Variants in C1orf141 observed in about 807,000 individuals in gnomAD.
The protein encoded by C1orf141 is uncharacterized protein C1orf141.
A neutral mutation model predicts 23.2 loss-of-function variants in C1orf141; 19 were observed. The ratio of observed to expected loss-of-function variants is 0.82; its 90% CI spans 0.57 to 1.20. The LOEUF (loss-of-function observed/expected upper bound fraction) is 1.20. C1orf141 is among the 50% of genes most tolerant of loss of function. C1orf141 has a pLI of 0.00. For missense variants in C1orf141, 469 were observed against 455.1 expected (o/e 1.03, Z -0.28); for synonymous variants, 153 against 154.6 (o/e 0.99, Z 0.08).
intron 5 of C1orf141, among the ~76,000 whole-genome samples, chr1:67,111,845 A>G (rs574740405): frequency 1.1e-4 from 17 of 152,328 alleles, no homozygotes; most frequent in African/African-American, 3.8e-4. Context: ...TTAACAGACT[A>G]TAACTTTCAA....
intron 4 of C1orf141, among the ~76,000 whole-genome samples, chr1:67,124,597 G>C (rs1043196301): frequency 7.2e-5 from 11 of 152,170 alleles, no homozygotes; most frequent in African/African-American, 2.7e-4. Context: ...AGGATTACAG[G>C]CGTGAGCCAC....
At chr1:67,120,447 G>A (rs67315199) in intron 4 of C1orf141, among the ~76,000 whole-genome samples, 13,047 of 152,108 alleles carry the variant, frequency 0.086, 594 homozygotes, top group South Asian at 0.12. Context: ...GTAAATTTGG[G>A]GGGGACAGGG....
chr1:67,116,957 C>A (rs1261056037), intron 4 of C1orf141, among the ~76,000 whole-genome samples: 1 of 152,138 alleles, frequency 6.6e-6, no homozygotes, highest in Non-Finnish European at 1.5e-5. Flanking sequence ...TTATAGAATT[C>A]ATCACTGGTA....
At chr1:67,095,636 T>G (rs1032217539) in intron 6 of C1orf141, 1 of 402,086 alleles carries the variant, frequency 2.5e-6, no homozygotes. Context: ...TATATATGCC[T>G]CTTTGGATTT....
intron 1 of C1orf141, among the ~76,000 whole-genome samples, chr1:67,141,584 C>A (rs1003569074): frequency 5.9e-5 from 9 of 152,006 alleles, no homozygotes; most frequent in Non-Finnish European, 5.9e-5. Context: ...ACAGCAAGAC[C>A]CCATCTCTAC....
chr1:67,124,598 C>T (rs545342866), intron 4 of C1orf141, among the ~76,000 whole-genome samples: 3 of 152,288 alleles, frequency 2.0e-5, no homozygotes, highest in South Asian at 2.1e-4. Context: ...GGATTACAGG[C>T]GTGAGCCACC....
Position 67,115,461 on chromosome 1 carries a change from A to G in C1orf141, c.237T>C (p.His79=), listed in dbSNP as rs750972038. The change falls in exon 5 of 8, where the codon CAT becomes CAC. Residue 79 remains histidine, a synonymous_variant. Transcript: ENST00000684719. Reference sequence around the variant, plus strand: ...GTTCAGGCTCACATTTGAAAGAGACATGCCTGGAAGAAATAAAAATTAATT... The same window carrying G: ...GTTCAGGCTCACATTTGAAAGAGACGTGCCTGGAAGAAATAAAAATTAATT... ...KSCSITKSKM[H]VSFKCEPEPR... is the part of the protein sequence containing the mutation. 3.2e-6 allele frequency: 4 copies of G among 1,248,212 alleles called. No homozygotes were observed. The highest frequency in any genetic ancestry group is 4.5e-6 in the Non-Finnish European group (4 of 887,150). 77.3% of individuals were successfully genotyped at this position (1,248,212 alleles called of 1,614,324 possible). A position where few individuals can be genotyped will look rare whatever the true frequency, so the allele number is the denominator to read the frequency against.
chr1:67,113,383 T>A (rs1280299055), intron 5 of C1orf141, among the ~76,000 whole-genome samples: 1 of 151,906 alleles, frequency 6.6e-6, no homozygotes, highest in Non-Finnish European at 1.5e-5. Context: ...TCTTTTTTTT[T>A]AGATGGAGTT....
intron 4 of C1orf141, chr1:67,121,819 A>G (rs1646304529): frequency 6.6e-6 from 1 of 152,224 alleles, no homozygotes; most frequent in African/African-American, 2.4e-5. Flanking sequence ...GAGTTGTGCT[A>G]GAAGAAGGCC....
rs1044281434 is a variant in C1orf141 at position 67,111,739 on chromosome 1, T to C, written c.346+3613A>G. The C allele has an allele frequency of 8.5e-5, 42 of 495,080 alleles. No homozygotes were observed. In the East Asian group the frequency reaches 1.4e-3, roughly 17 times the overall value. 30.7% of individuals were successfully genotyped at this position (495,080 alleles called of 1,614,324 possible). ...TCCACTGCAGTAAACTTTTAAGAAA[T>C]GTAAAAGAATAATTTTATTTACTTA... On this transcript the variant is annotated intron_variant, in intron 5 of 7. Transcript: ENST00000684719.
At chr1:67,116,742 G>A (rs907497214) in intron 4 of C1orf141, among the ~76,000 whole-genome samples, 1 of 152,062 alleles carries the variant, frequency 6.6e-6, no homozygotes, top group Non-Finnish European at 1.5e-5. Flanking sequence ...TTCAGGGAAA[G>A]GAATTTAGGC....
At chr1:67,097,946 C>T (rs1234021262) in intron 5 of C1orf141, among the ~76,000 whole-genome samples, 4 of 152,080 alleles carry the variant, frequency 2.6e-5, no homozygotes, top group African/African-American at 7.2e-5. Context: ...GGTTAAGGAT[C>T]CCTGACTTGT....
chr1:67,095,374 G>A lies in C1orf141; in HGVS notation c.464C>T (p.Ser155Leu), dbSNP rs147612243. 25 of 1,565,412 alleles carry A rather than the reference G, an allele frequency of 1.6e-5. No individual in the cohort carries two copies. Among genetic ancestry groups the A allele is most frequent in the African/African-American group, 4.1e-5 (3 of 72,588 alleles). The stretch of plus-strand genomic sequence containing the variant: ...CTTACTTAATTGATAATTTCTGACC[G>A]ATTTGTTTTCTTTTATATTAAAATC... ...MNDFNIKENK[S>L]VRNYQLSKYR... is the part of the protein sequence containing the mutation. The change falls in exon 7 of 8, where the codon TCG becomes TTG. Residue 155 changes from serine (S) to leucine (L), a missense_variant. Coordinates refer to ENST00000684719, the MANE Select transcript of C1orf141 (RefSeq NM_001276351.2).
intron 7 of C1orf141, chr1:67,093,986 G>T (rs563037562): frequency 6.5e-6 from 1 of 154,074 alleles, no homozygotes; most frequent in South Asian, 2.0e-4. Flanking sequence ...ACCAAAAAAT[G>T]GATTGAGTCA....
intron 5 of C1orf141, chr1:67,111,525 G>T: frequency 1.5e-6 from 1 of 658,962 alleles, no homozygotes; most frequent in African/African-American, 1.9e-5. Flanking sequence ...AAATTATTAG[G>T]ACTAATTTGA....
In C1orf141 at chr1:67,127,218, T is replaced by C. The variant is rs145355248; in HGVS notation, c.23A>G (p.Lys8Arg). The change falls in exon 3 of 8, where the codon AAG becomes AGG. Residue 8 changes from lysine to arginine, a missense_variant. This residue lies in a region of C1orf141 where 95 missense variants were observed against 90.3 expected (regional missense o/e 1.05). Transcript: ENST00000684719. ...TGCTTGCTTATCAAGGACATCCAAC[T>C]TCTCTAGGATTTTTTCTGCCATTGT... Reference protein sequence around the residue: MAEKILEKLDVLDKQAEI... With the variant: MAEKILERLDVLDKQAEI... The C allele has an allele frequency of 3.7e-6, 6 of 1,608,384 alleles. No individual in the cohort carries two copies. The highest frequency in any genetic ancestry group is 3.3e-4 in the Middle Eastern group (2 of 6,052).
At chr1:67,127,839 T>C (rs760113668) in intron 2 of C1orf141, among the ~76,000 whole-genome samples, 1 of 152,092 alleles carries the variant, frequency 6.6e-6, no homozygotes, top group Non-Finnish European at 1.5e-5. Context: ...TTCATCATGT[T>C]GGCCAGGCTG....
At position 67,092,760 on chromosome 1, in the gene C1orf141, G is replaced by A. The variant is rs1645580795; in HGVS notation, c.*245C>T. On this transcript the variant is annotated 3_prime_UTR_variant, in exon 8 of 8. Coordinates refer to ENST00000684719, the MANE Select transcript of C1orf141 (RefSeq NM_001276351.2). Reference sequence around the variant, plus strand: ...AGGCTGATGATTGAGCAATCTAATTGAGATAATAGAAAGTCATGAACTAGA... The same window carrying A: ...AGGCTGATGATTGAGCAATCTAATTAAGATAATAGAAAGTCATGAACTAGA... The A allele has an allele frequency of 3.4e-6, 1 of 296,926 alleles. No individual in the cohort carries two copies. Among genetic ancestry groups the A allele is most frequent in the Non-Finnish European group, 6.3e-6 (1 of 159,456 alleles). 18.4% of individuals were successfully genotyped at this position (296,926 alleles called of 1,614,324 possible). A position where few individuals can be genotyped will look rare whatever the true frequency, so the allele number is the denominator to read the frequency against.
intron 4 of C1orf141, among the ~76,000 whole-genome samples, chr1:67,120,168 C>G (rs1440302216): frequency 6.6e-6 from 1 of 152,190 alleles, no homozygotes; most frequent in Non-Finnish European, 1.5e-5. Context: ...TGTCATTTCT[C>G]CCTTCTTTTT....
Sources: allele counts gnomAD v4.1 joint callset (sites outside exome capture counted in the v4.1 genomes callset), GRCh38; gene constraint gnomAD v4.1.1; regional missense constraint gnomAD v4.1.1; transcripts MANE v1.5; gene names NCBI Gene and HGNC (gene_info 2026-07-23, HGNC 2026-07-21).